Variants in MED12L observed in about 807,000 individuals in gnomAD.
The protein encoded by MED12L is mediator complex subunit 12L.
In MED12L, 60 loss-of-function variants were observed where a neutral mutation model predicts 281.3. The observed-to-expected ratio is 0.21, with a 90% CI of 0.17 to 0.26. The LOEUF (loss-of-function observed/expected upper bound fraction) is 0.26. MED12L is among the 10% of genes least tolerant of loss of function. The pLI is 1.00. For missense variants in MED12L, 2,146 were observed against 2,680.9 expected, an observed-to-expected ratio of 0.80 and a Z score of 4.41; for synonymous variants, 974 against 987.2, an observed-to-expected ratio of 0.99 and a Z score of 0.25.
At position 151,436,063 on chromosome 3, in the gene MED12L, G is replaced by C. The variant is rs1376316861; in HGVS notation, c.*3259G>C. 1 of 152,072 alleles carries C rather than the reference G, an allele frequency of 6.6e-6. No homozygotes were observed. Among genetic ancestry groups the C allele is most frequent in the African/African-American group, 2.4e-5 (1 of 41,392 alleles). 9.4% of individuals were successfully genotyped at this position (152,072 alleles called of 1,614,324 possible). On this transcript the variant is annotated 3_prime_UTR_variant, in exon 45 of 45. Transcript: ENST00000687756. Reference sequence around the variant, plus strand: ...CCCTTTTCACATTTTATGATGTGCAGGTATTACATTGCTTTTTACATGTGG... The same window carrying C: ...CCCTTTTCACATTTTATGATGTGCACGTATTACATTGCTTTTTACATGTGG...
chr3:151,311,333 G>A (rs763105849), intron 16 of MED12L, among the ~76,000 whole-genome samples: 39 of 151,002 alleles, frequency 2.6e-4, no homozygotes, highest in African/African-American at 1.7e-4. Context: ...GTGTGTGTGT[G>A]TATATATATA....
chr3:151,368,760 A>AT (rs201834162), intron 25 of MED12L, among the ~76,000 whole-genome samples: 62 of 80,280 alleles, frequency 7.7e-4, no homozygotes, highest in South Asian at 2.4e-3. Context: ...ATGTCATTTC[A>AT]TTTTTTTTTT....
intron 16 of MED12L, chr3:151,338,054 G>T (rs756536802): frequency 2.5e-6 from 4 of 1,614,048 alleles, no homozygotes; most frequent in Non-Finnish European, 3.4e-6. Flanking sequence ...AGACATCCCG[G>T]GTTTGGCTCA....
At chr3:151,407,439 A>G (rs922137009) in intron 39 of MED12L, among the ~76,000 whole-genome samples, 6 of 152,182 alleles carry the variant, frequency 3.9e-5, no homozygotes, top group Non-Finnish European at 8.8e-5. Flanking sequence ...ATATACATAT[A>G]TTTGTCTCTA....
At chr3:151,382,813 C>T in intron 33 of MED12L, 68 bp downstream of exon 33, 1 of 1,285,454 alleles carries the variant, frequency 7.8e-7, no homozygotes, top group Non-Finnish European at 1.1e-6. Flanking sequence ...TCCAGCTTTC[C>T]ACTTCTCCTA....
At chr3:151,101,125 A>G (rs976776748) in intron 2 of MED12L, among the ~76,000 whole-genome samples, 2 of 152,222 alleles carry the variant, frequency 1.3e-5, no homozygotes, top group African/African-American at 4.8e-5. Context: ...GACCACACTC[A>G]GGGTGGTAGC....
intron 16 of MED12L, among the ~76,000 whole-genome samples, chr3:151,324,174 A>G (rs138211557): frequency 6.6e-6 from 1 of 152,288 alleles, no homozygotes; most frequent in African/African-American, 2.4e-5. Context: ...CCTATTTTTA[A>G]CTAGAGAGCC....
intron 5 of MED12L, among the ~76,000 whole-genome samples, chr3:151,145,218 C>T (rs1717603457): frequency 6.6e-6 from 1 of 152,168 alleles, no homozygotes; most frequent in African/African-American, 2.4e-5. Context: ...AGAACCTGTG[C>T]CCTTCACCAC....
chr3:151,409,397 T>A (rs1716709484), intron 40 of MED12L, 65 bp downstream of exon 40: 1 of 1,420,432 alleles, frequency 7.0e-7, no homozygotes. Flanking sequence ...GGTGGGAAAT[T>A]AAGTAAATAG....
At chr3:151,278,570 A>C (rs746218120) in intron 16 of MED12L, 2 of 152,360 alleles carry the variant, frequency 1.3e-5, no homozygotes, top group African/African-American at 2.4e-5. Flanking sequence ...CCAGTAATGC[A>C]AAAACAGTCC....
At chr3:151,226,887 A>G (rs919552988) in intron 16 of MED12L, among the ~76,000 whole-genome samples, 7 of 152,218 alleles carry the variant, frequency 4.6e-5, no homozygotes, top group Admixed American at 3.9e-4. Flanking sequence ...GGTGATTACA[A>G]CAGGTAACGT....
chr3:151,112,519 C>T (rs1293925472), intron 2 of MED12L, among the ~76,000 whole-genome samples: 1 of 152,088 alleles, frequency 6.6e-6, no homozygotes, highest in African/African-American at 2.4e-5. Context: ...GCAGGTAATG[C>T]CAGTGCTCCA....
intron 16 of MED12L, among the ~76,000 whole-genome samples, chr3:151,299,097 T>C (rs1252075946): frequency 6.6e-6 from 1 of 152,210 alleles, no homozygotes; most frequent in Non-Finnish European, 1.5e-5. Flanking sequence ...TTAATTACCA[T>C]TTCTCTTGTT....
Position 151,393,350 on chromosome 3 carries a change from A to G in MED12L, c.5609-1306A>G, listed in dbSNP as rs113560584. On this transcript the variant is annotated intron_variant, in intron 38 of 44. Coordinates refer to ENST00000687756, the MANE Select transcript of MED12L (RefSeq NM_001393769.1). ...AGCATTCCCTGAATCTACATTTTAC[A>G]TATGAAAGAAGCAGGTTAAAGGTTT... Among the ~76,000 whole-genome samples the G allele has an allele frequency of 2.8e-3, 434 of 152,324 alleles. 2 individuals are homozygous for G. The highest frequency in any genetic ancestry group is 9.8e-3 in the African/African-American group (409 of 41,576).
Position 151,354,140 on chromosome 3 carries a change from C to CAAAA in MED12L, c.2399-960_2399-957dup, listed in dbSNP as rs63033360. Among the ~76,000 whole-genome samples, 315 of 62,818 alleles carry CAAAA rather than the reference C, an allele frequency of 5.0e-3. 21 individuals carry two copies. The highest frequency in any genetic ancestry group is 0.015 in the South Asian group (20 of 1,320). 41.2% of individuals were successfully genotyped at this position (62,818 alleles called of 152,430 possible). Reference sequence around the variant, plus strand: ...TGGGCGACAGAGCGAGACTCCGTCTCAAAAAAAAAAAAAAAAAAAAAAAAG... The same window carrying CAAAA: ...TGGGCGACAGAGCGAGACTCCGTCTCAAAAAAAAAAAAAAAAAAAAAAAAAAAAG... On this transcript the variant is annotated intron_variant, in intron 17 of 44. Transcript: ENST00000687756.
chr3:151,380,353 T>C, intron 32 of MED12L, 129 bp downstream of exon 32: 1 of 588,336 alleles, frequency 1.7e-6, no homozygotes, highest in Non-Finnish European at 2.8e-6. Context: ...TCCCAGCACT[T>C]TGGGAGGCGG....
rs1187805549 is a variant in MED12L at position 151,372,754 on chromosome 3, T to C, written c.3852T>C (p.Thr1284=). The C allele has an allele frequency of 6.8e-6, 11 of 1,612,776 alleles. No individual in the cohort carries two copies. Among genetic ancestry groups the C allele is most frequent in the African/African-American group, 1.3e-5 (1 of 74,924 alleles). ...AATACGCTAGATATGTACTGAGGAC[T>C]ATCTGTCAACAGGTATTCTAATTTA... The part of the protein sequence containing the change: ...LREYARYVLR[T]ICQQEWVGEH... The change falls in exon 27 of 45, where the codon ACT becomes ACC. Residue 1284 remains threonine (T), a synonymous_variant. Transcript: ENST00000687756.
intron 44 of MED12L, among the ~76,000 whole-genome samples, chr3:151,431,703 T>C (rs2108490876): frequency 6.6e-6 from 1 of 152,330 alleles, no homozygotes; most frequent in South Asian, 2.1e-4. Flanking sequence ...TTTTATAAAG[T>C]GGCATCTGTT....
At chr3:151,246,773 A>G (rs1577106551) in intron 16 of MED12L, among the ~76,000 whole-genome samples, 1 of 152,244 alleles carries the variant, frequency 6.6e-6, no homozygotes, top group Non-Finnish European at 1.5e-5. Flanking sequence ...GACAAATGGG[A>G]TCTAATTAAA....
Sources: allele counts gnomAD v4.1 joint callset (sites outside exome capture counted in the v4.1 genomes callset), GRCh38; gene constraint gnomAD v4.1.1; transcripts MANE v1.5; gene names NCBI Gene and HGNC (gene_info 2026-07-23, HGNC 2026-07-21).